The following ANK1 variants were observed in gnomAD, a reference collection of about 807,000 sequenced individuals.
The protein encoded by ANK1 is ankyrin-1.
In ANK1, 51 loss-of-function variants were observed where a neutral mutation model predicts 210.4. The observed-to-expected ratio is 0.24, with a 90% CI of 0.19 to 0.31. The LOEUF (loss-of-function observed/expected upper bound fraction) is 0.31, where lower values mean the gene tolerates loss of function less well. ANK1 is among the 10% of genes least tolerant of loss of function. The pLI is 1.00. For synonymous variants in ANK1, 967 were observed against 1,025.9 expected (o/e 0.94, Z 1.10); for missense variants, 2,051 against 2,504.4 (o/e 0.82, Z 3.86).
At chr8:41,838,748 A>C (rs912803457) in intron 1 of ANK1, among the ~76,000 whole-genome samples, 1 of 124,116 alleles carries the variant, frequency 8.1e-6, no homozygotes, top group African/African-American at 3.0e-5. Context: ...CTGGGGGACA[A>C]AGCAAGACTC....
intron 1 of ANK1, among the ~76,000 whole-genome samples, chr8:41,766,463 T>C (rs978454150): frequency 3.3e-5 from 5 of 152,178 alleles, no homozygotes; most frequent in African/African-American, 4.8e-5. Flanking sequence ...CTGACTACCA[T>C]TGGCAAAAAT....
chr8:41,662,772 T>C (rs924071565), intron 40 of ANK1, among the ~76,000 whole-genome samples: 2 of 152,094 alleles, frequency 1.3e-5, no homozygotes, highest in African/African-American at 4.8e-5. Flanking sequence ...TGATGAGAGC[T>C]GCGCCTAAGC....
At chr8:41,693,337 C>T (rs1043316577) in intron 29 of ANK1, 136 bp from the exon 30 acceptor site, 55 of 741,990 alleles carry the variant, frequency 7.4e-5, no homozygotes, top group Non-Finnish European at 2.4e-5. Flanking sequence ...GCACCCTACC[C>T]TCACCCCGCT....
chr8:41,737,738 A>G (rs1253434920), intron 2 of ANK1, among the ~76,000 whole-genome samples: 3 of 152,240 alleles, frequency 2.0e-5, no homozygotes, highest in African/African-American at 7.2e-5. Context: ...CAGCAGGGCC[A>G]CTGAATCAAA....
At chr8:41,665,553 C>T (rs1176459936) in intron 39 of ANK1, 7 of 320,776 alleles carry the variant, frequency 2.2e-5, no homozygotes, top group African/African-American at 4.3e-5. Flanking sequence ...TAATACAGTC[C>T]GAGAAAGCAG....
At chr8:41,807,686 C>T (rs188183551) in intron 1 of ANK1, among the ~76,000 whole-genome samples, 1 of 152,110 alleles carries the variant, frequency 6.6e-6, no homozygotes, top group Non-Finnish European at 1.5e-5. Context: ...TCTAAGTGCT[C>T]TTGAGATAAT....
rs774447379 is a variant in ANK1, at chr8:41,702,032, C to G, written c.2388+20G>C. ...AGGCTGAGTGTGTCTGGGGTGGGTG[C>G]GGGGGAGAGGCAGACATACCACGAA... On this transcript the variant is annotated intron_variant, in intron 21 of 42. Transcript: ENST00000289734. 1 of 1,605,818 alleles carries G rather than the reference C, an allele frequency of 6.2e-7. No homozygotes were observed.
intron 1 of ANK1, among the ~76,000 whole-genome samples, chr8:41,868,372 CCAA>C: frequency 6.6e-6 from 1 of 152,278 alleles, no homozygotes; most frequent in Non-Finnish European, 1.5e-5. Context: ...CTAGAGTTTG[CCAA>C]ATGTCCCCTG....
intron 2 of ANK1, among the ~76,000 whole-genome samples, chr8:41,740,935 T>C (rs1396621715): frequency 6.6e-6 from 1 of 152,204 alleles, no homozygotes; most frequent in Admixed American, 6.5e-5. Flanking sequence ...GGCTGGCTTC[T>C]GGCCATGCAG....
rs570949728 is a variant in ANK1, at chr8:41,894,516, G to A, written c.126+1839C>T. On this transcript the variant is annotated intron_variant, in intron 1 of 42. Coordinates refer to the ANK1 transcript ENST00000265709. ...ATTTGGAATTCAGAGTTATATTAAA[G>A]GGAATTTTCACAGAATGGAAAAGAA... 1.8e-4 allele frequency among the ~76,000 whole-genome samples: 28 copies of A among 152,290 alleles called. 1 individual carries two copies. The South Asian group carries it at 4.1e-3, about 23-fold the overall frequency.
intron 1 of ANK1, among the ~76,000 whole-genome samples, chr8:41,778,200 A>T (rs1208238581): frequency 6.6e-6 from 1 of 152,242 alleles, no homozygotes; most frequent in East Asian, 1.9e-4. Context: ...TCTTGGGAAG[A>T]CTGCAAACTA....
intron 37 of ANK1, among the ~76,000 whole-genome samples, chr8:41,678,726 T>C (rs1329177972): frequency 1.3e-5 from 2 of 152,254 alleles, no homozygotes; most frequent in Non-Finnish European, 2.9e-5. Flanking sequence ...TTAGCTTTTT[T>C]GAATACCTGA....
At chr8:41,894,972 C>G (rs1015512760) in intron 1 of ANK1, among the ~76,000 whole-genome samples, 6 of 152,020 alleles carry the variant, frequency 3.9e-5, no homozygotes, top group Non-Finnish European at 8.8e-5. Context: ...GATGGCAATC[C>G]CTCAAGGGAG....
At chr8:41,716,836 G>A in intron 13 of ANK1, 117 bp downstream of exon 13, 1 of 1,058,724 alleles carries the variant, frequency 9.4e-7, no homozygotes, top group South Asian at 1.3e-5. Context: ...TGATCAGGAT[G>A]AAAAGTGATC....
Position 41,777,607 on chromosome 8 carries a change from AATAAAAACAAAC to A in ANK1, c.28-19482_28-19471del, listed in dbSNP as rs941866490. The stretch of plus-strand genomic sequence containing the variant: ...AAAAAAACAAAACAAAACAACAATA[AATAAAAACAAAC>A]AAACAAACAAACAAACAATGTTATG... On this transcript the variant is annotated intron_variant, in intron 1 of 42. Transcript: ENST00000289734. Among the ~76,000 whole-genome samples, 25 of 123,600 alleles carry A rather than the reference AATAAAAACAAAC, an allele frequency of 2.0e-4. No individual in the cohort carries two copies. In the South Asian group the frequency reaches 3.6e-3, roughly 18 times the overall value. 81.1% of individuals were successfully genotyped at this position (123,600 alleles called of 152,430 possible).
chr8:41,748,836 C>T (rs773257895), intron 2 of ANK1, among the ~76,000 whole-genome samples: 9 of 152,178 alleles, frequency 5.9e-5, no homozygotes, highest in Non-Finnish European at 8.8e-5. Flanking sequence ...GAGATCAAGA[C>T]CATCCCAGCT....
chr8:41,778,823 T>C (rs1313780010), intron 1 of ANK1, among the ~76,000 whole-genome samples: 1 of 152,216 alleles, frequency 6.6e-6, no homozygotes, highest in African/African-American at 2.4e-5. Flanking sequence ...TTAAAAATTA[T>C]GTGTGTGCCT....
intron 37 of ANK1, among the ~76,000 whole-genome samples, chr8:41,680,488 G>A (rs1268878980): frequency 1.3e-5 from 2 of 151,646 alleles, no homozygotes; most frequent in Non-Finnish European, 2.9e-5. Context: ...ACTTGAACCC[G>A]GGAGGCAGAG....
chr8:41,744,420 A>T (rs896474623), intron 2 of ANK1, among the ~76,000 whole-genome samples: 1 of 152,006 alleles, frequency 6.6e-6, no homozygotes, highest in African/African-American at 2.4e-5. Context: ...CACAATACTG[A>T]TCAATTACAA....
Sources: allele counts gnomAD v4.1 joint callset (sites outside exome capture counted in the v4.1 genomes callset), GRCh38; gene constraint gnomAD v4.1.1; transcripts MANE v1.5; gene names NCBI Gene and HGNC (gene_info 2026-07-23, HGNC 2026-07-21).